PARN: variants seen among roughly 807,000 people sequenced by gnomAD.
PARN encodes the protein poly(A)-specific ribonuclease.
A neutral mutation model predicts 102.8 loss-of-function variants in PARN; 71 were observed. That is an observed-to-expected ratio of 0.69 (90% CI 0.57 to 0.84). The LOEUF is 0.84. Ranked by LOEUF, PARN falls within the 40% of genes least tolerant of loss-of-function variation. The probability of loss-of-function intolerance (pLI) is 0.00; values close to 1 mark genes in which losing one functional copy is unlikely to be tolerated. For synonymous variants in PARN, 261 were observed against 252.9 expected, an observed-to-expected ratio of 1.03 and a Z score of -0.30; for missense variants, 782 against 760.9, an observed-to-expected ratio of 1.03 and a Z score of -0.33.
chr16:14,630,252 T>G lies in PARN; in HGVS notation c.-127A>C. On this transcript the variant is annotated 5_prime_UTR_variant, in exon 1 of 24. Transcript: ENST00000437198. Reference sequence around the variant, plus strand: ...CGCAGCGGTGACGCCGGCCGCGACTTCCGGAAACAGCGCGCGCCTGCTGCG... The same window carrying G: ...CGCAGCGGTGACGCCGGCCGCGACTGCCGGAAACAGCGCGCGCCTGCTGCG... 1.2e-6 allele frequency: 1 copy of G among 817,288 alleles called. No homozygotes were observed. The highest frequency in any genetic ancestry group is 1.9e-6 in the Non-Finnish European group (1 of 523,138). 50.6% of individuals were successfully genotyped at this position (817,288 alleles called of 1,614,324 possible).
Position 14,593,912 on chromosome 16 carries a change from G to A in PARN, c.841-534C>T, listed in dbSNP as rs1041984145. Among the ~76,000 whole-genome samples, 8 of 151,986 alleles carry A rather than the reference G, an allele frequency of 5.3e-5. No individual in the cohort carries two copies. The South Asian group carries it at 1.0e-3, about 20-fold the overall frequency. ...CCCAGCAGGCTGAGGCAGGAGAATCGCTGGAACCCGGGAGGCAGAGGCTGC... is the reference window on the plus strand; with the variant it reads ...CCCAGCAGGCTGAGGCAGGAGAATCACTGGAACCCGGGAGGCAGAGGCTGC... On this transcript the variant is annotated intron_variant, in intron 12 of 23. Transcript: ENST00000437198.
chr16:14,467,755 C>T (rs1366049037), intron 22 of PARN, among the ~76,000 whole-genome samples: 2 of 152,148 alleles, frequency 1.3e-5, no homozygotes, highest in Non-Finnish European at 2.9e-5. Context: ...GATTATGGTG[C>T]AATTATCAAA....
chr16:14,617,066 TG>T (rs1389126278), intron 6 of PARN, among the ~76,000 whole-genome samples: 83 of 149,502 alleles, frequency 5.6e-4, no homozygotes, highest in African/African-American at 2.0e-3. Context: ...TTATGTTTTT[TG>T]TTTTTTTTTA....
intron 18 of PARN, among the ~76,000 whole-genome samples, chr16:14,567,143 A>G (rs1172856916): frequency 6.6e-6 from 1 of 152,234 alleles, no homozygotes; most frequent in East Asian, 1.9e-4. Flanking sequence ...GGGAGCCAAA[A>G]ACGAAATAAA....
chr16:14,534,530 T>C (rs1012694622), intron 21 of PARN, among the ~76,000 whole-genome samples: 1 of 152,198 alleles, frequency 6.6e-6, no homozygotes, highest in Non-Finnish European at 1.5e-5. Flanking sequence ...TGATATTCTA[T>C]AATGAGTTCA....
At chr16:14,445,583 A>T (rs1961165304) in intron 23 of PARN, among the ~76,000 whole-genome samples, 1 of 152,214 alleles carries the variant, frequency 6.6e-6, no homozygotes. Flanking sequence ...TGTATGTAAG[A>T]CAGGGTGTCA....
chr16:14,571,040 C>T (rs1417883336), intron 18 of PARN, among the ~76,000 whole-genome samples: 1 of 151,796 alleles, frequency 6.6e-6, no homozygotes, highest in Non-Finnish European at 1.5e-5. Flanking sequence ...AAAGAAACAG[C>T]TTCTAATAGT....
rs34124932 is a variant in PARN at position 14,498,122 on chromosome 16, C to CAA, written c.1481-15297_1481-15296dup. Among the ~76,000 whole-genome samples the CAA allele has an allele frequency of 2.0e-3, 89 of 44,448 alleles. 1 individual carries two copies. The highest frequency in any genetic ancestry group is 2.7e-3 in the East Asian group (4 of 1,472). 29.2% of individuals were successfully genotyped at this position (44,448 alleles called of 152,430 possible). A position where few individuals can be genotyped will look rare whatever the true frequency, so the allele number is the denominator to read the frequency against. ...CTGGCAATAGAGAGAGACTCCATCT[C>CAA]AAAAAAAAAAAAAAAAAAAAAGAAT... On this transcript the variant is annotated intron_variant, in intron 21 of 23. Coordinates refer to ENST00000437198, the MANE Select transcript of PARN (RefSeq NM_002582.4).
intron 8 of PARN, 23 bp from the exon 9 acceptor site, chr16:14,608,342 A>G: frequency 6.7e-7 from 1 of 1,485,906 alleles, no homozygotes; most frequent in South Asian, 1.2e-5. Flanking sequence ...AAGAAAAGGT[A>G]TTGATTTTGG....
rs116955432 is a variant in PARN, at chr16:14,581,061, T to C, written c.1193-118A>G. The C allele has an allele frequency of 0.03, 17,453 of 580,140 alleles. 378 individuals carry two copies. The highest frequency in any genetic ancestry group is 0.038 in the Non-Finnish European group (12,093 of 320,376). The allele number at this position is 580,140 out of a possible 1,614,324, so 35.9% of individuals were successfully genotyped here. On this transcript the variant is annotated intron_variant, in intron 17 of 23. Transcript: ENST00000437198. ...GTTCAACAAGTGTGAAAGGTATTCT[T>C]TTTTTTTTGAGTCAGAGTTTCACTC...
intron 21 of PARN, among the ~76,000 whole-genome samples, chr16:14,526,877 A>T (rs1966039873): frequency 6.6e-6 from 1 of 152,108 alleles, no homozygotes; most frequent in Non-Finnish European, 1.5e-5. Context: ...CAAGAACCAG[A>T]ATGACTCTCC....
At position 14,630,244 on chromosome 16, in the gene PARN, C is replaced by T. The variant is rs564863266; in HGVS notation, c.-119G>A. ...GAGGCAGCCGCAGCGGTGACGCCGGCCGCGACTTCCGGAAACAGCGCGCGC... is the reference window on the plus strand; with the variant it reads ...GAGGCAGCCGCAGCGGTGACGCCGGTCGCGACTTCCGGAAACAGCGCGCGC... On this transcript the variant is annotated 5_prime_UTR_variant, in exon 1 of 24. Transcript: ENST00000437198. 3.4e-6 allele frequency: 3 copies of T among 871,540 alleles called. No homozygotes were observed. The highest frequency in any genetic ancestry group is 3.4e-5 in the South Asian group (2 of 58,990). The allele number at this position is 871,540 out of a possible 1,614,324, so 54.0% of individuals were successfully genotyped here. A position where few individuals can be genotyped will look rare whatever the true frequency, so the allele number is the denominator to read the frequency against.
intron 22 of PARN, among the ~76,000 whole-genome samples, chr16:14,453,160 A>G: frequency 6.6e-6 from 1 of 152,258 alleles, no homozygotes; most frequent in East Asian, 1.9e-4. Flanking sequence ...GTGGACATTT[A>G]AATCCACTGT....
chr16:14,474,737 G>C (rs1239763378), intron 22 of PARN, among the ~76,000 whole-genome samples: 1 of 152,222 alleles, frequency 6.6e-6, no homozygotes, highest in Non-Finnish European at 1.5e-5. Context: ...CTGGCTGCCT[G>C]ATAAGTCAGT....
intron 21 of PARN, among the ~76,000 whole-genome samples, chr16:14,516,142 C>A (rs1390347510): frequency 6.6e-6 from 1 of 151,104 alleles, no homozygotes; most frequent in African/African-American, 2.4e-5. Context: ...TTAAGAGAAA[C>A]AGATAATTAA....
In PARN at chr16:14,552,109, T is replaced by C; in HGVS notation, c.1406-14A>G. 1.3e-6 allele frequency: 2 copies of C among 1,568,428 alleles called. No homozygotes were observed. The highest frequency in any genetic ancestry group is 1.8e-6 in the Non-Finnish European group (2 of 1,139,908). On this transcript the variant is annotated splice_polypyrimidine_tract_variant and intron_variant, in intron 20 of 23. Coordinates refer to ENST00000437198, the MANE Select transcript of PARN (RefSeq NM_002582.4). Reference sequence around the variant, plus strand: ...TCTGAATGTTACCTGCAATCGCAAATTAAAAGTAAAGTGAACATTTGACCA... The same window carrying C: ...TCTGAATGTTACCTGCAATCGCAAACTAAAAGTAAAGTGAACATTTGACCA...
chr16:14,453,034 C>A (rs1961531874), intron 22 of PARN, among the ~76,000 whole-genome samples: 1 of 152,144 alleles, frequency 6.6e-6, no homozygotes, highest in African/African-American at 2.4e-5. Context: ...CTTTTATTAA[C>A]TGATTTTAAA....
At chr16:14,560,416 G>A (rs1055064574) in intron 18 of PARN, among the ~76,000 whole-genome samples, 3 of 152,200 alleles carry the variant, frequency 2.0e-5, no homozygotes, top group Non-Finnish European at 4.4e-5. Context: ...AAAGCTTTCT[G>A]ATGAAATATT....
At chr16:14,584,960 G>A (rs1969753132) in intron 14 of PARN, among the ~76,000 whole-genome samples, 169 bp from the exon 15 acceptor site, 1 of 152,086 alleles carries the variant, frequency 6.6e-6, no homozygotes, top group Non-Finnish European at 1.5e-5. Context: ...TAAACACATT[G>A]GCCATTTTGA....
Sources: allele counts gnomAD v4.1 joint callset (sites outside exome capture counted in the v4.1 genomes callset), GRCh38; gene constraint gnomAD v4.1.1; transcripts MANE v1.5; gene names NCBI Gene and HGNC (gene_info 2026-07-23, HGNC 2026-07-21).